Variants in TMEM87B observed in about 807,000 individuals in gnomAD.
The protein encoded by TMEM87B is transmembrane protein 87B.
A neutral mutation model predicts 80.3 loss-of-function variants in TMEM87B; 83 were observed. That is an observed-to-expected ratio of 1.03 (90% CI 0.87 to 1.24). The LOEUF is 1.24. TMEM87B is among the 50% of genes most tolerant of loss of function. The pLI is 0.00. For synonymous variants in TMEM87B, 219 were observed against 230.5 expected (o/e 0.95, Z 0.45); for missense variants, 625 against 674.4 (o/e 0.93, Z 0.81).
intron 5 of TMEM87B, among the ~76,000 whole-genome samples, chr2:112,076,876 G>GTC (rs1293314970): frequency 2.8e-5 from 4 of 144,798 alleles, no homozygotes; most frequent in Admixed American, 1.4e-4. Context: ...GTGTGTGTGT[G>GTC]TGTGTGTGTG....
intron 2 of TMEM87B, among the ~76,000 whole-genome samples, chr2:112,062,962 T>G (rs1678301453): frequency 6.6e-6 from 1 of 152,174 alleles, no homozygotes; most frequent in Non-Finnish European, 1.5e-5. Flanking sequence ...AGGGGATCAC[T>G]ATGCAGATTT....
At chr2:112,063,647 C>T (rs948240121) in intron 2 of TMEM87B, among the ~76,000 whole-genome samples, 1 of 152,178 alleles carries the variant, frequency 6.6e-6, no homozygotes, top group Non-Finnish European at 1.5e-5. Flanking sequence ...TACCCAGAAC[C>T]CATTCTTCAT....
At chr2:112,087,565 C>T (rs1231888529) in intron 9 of TMEM87B, among the ~76,000 whole-genome samples, 1 of 152,152 alleles carries the variant, frequency 6.6e-6, no homozygotes. Context: ...CACGGGCCAC[C>T]CCTGCCTTTG....
At chr2:112,071,774 T>C (rs1678646281) in intron 4 of TMEM87B, among the ~76,000 whole-genome samples, 1 of 152,178 alleles carries the variant, frequency 6.6e-6, no homozygotes, top group Non-Finnish European at 1.5e-5. Flanking sequence ...TGCCCTTTAT[T>C]TCTTTCTCTT....
chr2:112,087,076 G>A (rs1003655273), intron 9 of TMEM87B, among the ~76,000 whole-genome samples: 5 of 152,118 alleles, frequency 3.3e-5, no homozygotes, highest in East Asian at 1.9e-4. Context: ...GGCACCTTCC[G>A]TTGTCCCTCC....
chr2:112,057,274 C>G (rs1439452118), intron 1 of TMEM87B, among the ~76,000 whole-genome samples: 2 of 152,106 alleles, frequency 1.3e-5, no homozygotes, highest in South Asian at 2.1e-4. Flanking sequence ...AATTTTGTTT[C>G]TTTGTTTTTG....
intron 17 of TMEM87B, among the ~76,000 whole-genome samples, chr2:112,111,348 C>G (rs1159375847): frequency 6.6e-6 from 1 of 152,148 alleles, no homozygotes; most frequent in Admixed American, 6.5e-5. Context: ...TGCTGGAAAC[C>G]AATAAGGCTC....
At chr2:112,071,430 T>G (rs549439575) in intron 4 of TMEM87B, among the ~76,000 whole-genome samples, 74 of 151,852 alleles carry the variant, frequency 4.9e-4, no homozygotes, top group Non-Finnish European at 8.8e-4. Flanking sequence ...GCCTCCTGAG[T>G]AGCTGGGATT....
intron 6 of TMEM87B, among the ~76,000 whole-genome samples, chr2:112,080,089 C>G (rs1678944451): frequency 6.6e-6 from 1 of 151,278 alleles, no homozygotes; most frequent in Non-Finnish European, 1.5e-5. Flanking sequence ...GCCACCCCAC[C>G]TGGCTAATTT....
intron 8 of TMEM87B, among the ~76,000 whole-genome samples, chr2:112,082,935 G>A (rs1271296743): frequency 1.3e-5 from 2 of 152,172 alleles, no homozygotes; most frequent in African/African-American, 4.8e-5. Flanking sequence ...GCACTAGAGG[G>A]CTTGGAAGAG....
In TMEM87B at chr2:112,089,730, A is replaced by G. The variant is rs755700901; in HGVS notation, c.1032+12A>G. 11 of 1,611,208 alleles carry G rather than the reference A, an allele frequency of 6.8e-6. No individual in the cohort carries two copies. The highest frequency in any genetic ancestry group is 1.6e-4 in the Middle Eastern group (1 of 6,078). Reference sequence around the variant, plus strand: ...TGAGAGTCATTGGGGTAAAAACTACATTATTCTACCACCCCTTTTTGTTAT... The same window carrying G: ...TGAGAGTCATTGGGGTAAAAACTACGTTATTCTACCACCCCTTTTTGTTAT... On this transcript the variant is annotated intron_variant, in intron 10 of 18. Coordinates refer to ENST00000283206, the MANE Select transcript of TMEM87B (RefSeq NM_032824.3).
At chr2:112,109,173 G>A (rs1573729375) in intron 17 of TMEM87B, among the ~76,000 whole-genome samples, 1 of 152,268 alleles carries the variant, frequency 6.6e-6, no homozygotes, top group Middle Eastern at 3.4e-3. Flanking sequence ...TAAATAGTCT[G>A]TGCAAAGTAA....
At chr2:112,098,496 A>G in intron 13 of TMEM87B, 99 bp from the exon 14 acceptor site, 1 of 1,079,698 alleles carries the variant, frequency 9.3e-7, no homozygotes, top group Non-Finnish European at 1.4e-6. Context: ...ACTGGTTGGA[A>G]AGATTTCATT....
At chr2:112,090,742 T>C (rs1456893842) in intron 10 of TMEM87B, among the ~76,000 whole-genome samples, 3 of 152,228 alleles carry the variant, frequency 2.0e-5, no homozygotes, top group Non-Finnish European at 4.4e-5. Context: ...CTTCAGTTTT[T>C]TGAATAAATG....
At chr2:112,094,355 GT>G (rs1234698980) in intron 11 of TMEM87B, among the ~76,000 whole-genome samples, 1 of 152,004 alleles carries the variant, frequency 6.6e-6, no homozygotes, top group African/African-American at 2.4e-5. Context: ...TAGATACGGG[GT>G]TTCACCATGT....
chr2:112,086,115 G>A lies in TMEM87B; in HGVS notation c.938+11G>A. On this transcript the variant is annotated intron_variant, in intron 9 of 18. Transcript: ENST00000283206. ...CTATGGCATTGTGAAGTAAGTACTG[G>A]CGTGTGGGAAAAATGCTGGGTCCCA... 6.2e-7 allele frequency: 1 copy of A among 1,611,146 alleles called. No homozygotes were observed. Among genetic ancestry groups the A allele is most frequent in the Non-Finnish European group, 8.5e-7 (1 of 1,177,764 alleles).
At chr2:112,106,386 T>G (rs1040916178) in intron 16 of TMEM87B, among the ~76,000 whole-genome samples, 2 of 152,210 alleles carry the variant, frequency 1.3e-5, no homozygotes, top group Non-Finnish European at 2.9e-5. Flanking sequence ...GGAATCTGCT[T>G]TTTGAAAAGA....
intron 1 of TMEM87B, among the ~76,000 whole-genome samples, chr2:112,056,535 G>A (rs1011824701): frequency 4.6e-5 from 7 of 152,214 alleles, no homozygotes; most frequent in African/African-American, 1.7e-4. Context: ...GCAAAAGAGA[G>A]ACAGGAAGTC....
In TMEM87B at chr2:112,077,136, A is replaced by T. The variant is rs376453307; in HGVS notation, c.502-56A>T. The T allele has an allele frequency of 5.8e-6, 5 of 860,208 alleles. No individual in the cohort carries two copies. The Admixed American group carries it at 1.1e-4, about 20-fold the overall frequency. The allele number at this position is 860,208 out of a possible 1,614,324, so 53.3% of individuals were successfully genotyped here. The stretch of plus-strand genomic sequence containing the variant: ...AAATATGGCAAACAGTTGTTCAGCT[A>T]TATTACATAGCAATTTGTTAAAAAT... On this transcript the variant is annotated intron_variant, in intron 5 of 18. Transcript: ENST00000283206.
Sources: allele counts gnomAD v4.1 joint callset (sites outside exome capture counted in the v4.1 genomes callset), GRCh38; gene constraint gnomAD v4.1.1; transcripts MANE v1.5; gene names NCBI Gene and HGNC (gene_info 2026-07-23, HGNC 2026-07-21).